TAF15: variants seen among roughly 807,000 people sequenced by gnomAD.
TAF15 encodes TATA-binding protein-associated factor 2N.
In TAF15, 37 loss-of-function variants were observed where a neutral mutation model predicts 102.5. The observed-to-expected ratio is 0.36, with a 90% CI of 0.28 to 0.47. The LOEUF (loss-of-function observed/expected upper bound fraction) is 0.47, where lower values mean the gene tolerates loss of function less well. TAF15 is among the 20% of genes least tolerant of loss of function. The pLI is 0.99. For missense variants in TAF15, 652 were observed against 760.7 expected, an observed-to-expected ratio of 0.86 and a Z score of 1.68; for synonymous variants, 273 against 259.2, an observed-to-expected ratio of 1.05 and a Z score of -0.51.
chr17:35,810,629 C>G (rs563161939), intron 1 of TAF15: 2 of 152,230 alleles, frequency 1.3e-5, no homozygotes, highest in East Asian at 3.9e-4. Context: ...TTCCTGAAAC[C>G]GTGTGGTTGA....
Position 35,820,447 on chromosome 17 carries a change from T to C in TAF15, c.290+10T>C, listed in dbSNP as rs750959476. 2.5e-6 allele frequency: 4 copies of C among 1,608,850 alleles called. No homozygotes were observed. In the East Asian group the frequency reaches 6.7e-5, roughly 27 times the overall value. ...TGGAATCATCAGGAAGGTAAGGAAA[T>C]AGTAAAATACTGAGATTGTTTTGGG... On this transcript the variant is annotated intron_variant, in intron 5 of 15. Coordinates refer to ENST00000605844, the MANE Select transcript of TAF15 (RefSeq NM_139215.3).
chr17:35,840,037 C>T (rs1041533146), intron 11 of TAF15, among the ~76,000 whole-genome samples: 3 of 152,110 alleles, frequency 2.0e-5, no homozygotes, highest in South Asian at 2.1e-4. Context: ...CTGTTACTCC[C>T]GTTTTACAGA....
At chr17:35,823,754 G>A in intron 6 of TAF15, 1 of 289,732 alleles carries the variant, frequency 3.5e-6, no homozygotes, top group South Asian at 3.6e-5. Flanking sequence ...TTTCATCTAA[G>A]TTACTAAGGT....
Position 35,847,190 on chromosome 17 carries a change from A to G in TAF15, c.*245A>G. On this transcript the variant is annotated 3_prime_UTR_variant, in exon 16 of 16. Transcript: ENST00000605844. The stretch of plus-strand genomic sequence containing the variant: ...GCGTTGTAAAATATTGCCAAAATGA[A>G]AAGTGTTTTGTAATACTGCAATAAA... 1 of 608,630 alleles carries G rather than the reference A, an allele frequency of 1.6e-6. No homozygotes were observed. The highest frequency in any genetic ancestry group is 2.9e-6 in the Non-Finnish European group (1 of 343,718). The allele number at this position is 608,630 out of a possible 1,614,324, so 37.7% of individuals were successfully genotyped here. A position where few individuals can be genotyped will look rare whatever the true frequency, so the allele number is the denominator to read the frequency against.
intron 7 of TAF15, among the ~76,000 whole-genome samples, chr17:35,826,371 G>A (rs2087326727): frequency 6.6e-6 from 1 of 152,026 alleles, no homozygotes; most frequent in Non-Finnish European, 1.5e-5. Flanking sequence ...TTTATATTGA[G>A]TTGGCAAGCT....
chr17:35,835,279 G>A (rs780321713), intron 9 of TAF15, among the ~76,000 whole-genome samples: 8 of 152,178 alleles, frequency 5.3e-5, no homozygotes, highest in Non-Finnish European at 1.0e-4. Flanking sequence ...AAAATCCTAC[G>A]TTGGATTGGT....
At chr17:35,826,017 GA>G (rs1427449124) in intron 7 of TAF15, among the ~76,000 whole-genome samples, 2 of 151,962 alleles carry the variant, frequency 1.3e-5, no homozygotes, top group Admixed American at 6.6e-5. Context: ...CTAGAGGATC[GA>G]AAGGACTTTG....
Position 35,823,932 on chromosome 17 carries a change from G to T in TAF15, c.485-146G>T. 3.0e-6 allele frequency: 3 copies of T among 1,000,834 alleles called. No individual in the cohort carries two copies. In the Admixed American group the frequency reaches 5.9e-5, roughly 20 times the overall value. 62.0% of individuals were successfully genotyped at this position (1,000,834 alleles called of 1,614,324 possible). On this transcript the variant is annotated intron_variant, in intron 6 of 15. Transcript: ENST00000605844. ...TTCTCAAAAACATGTAATTCCAGAT[G>T]ATTTTATGATGACTTGCATTTGAGT...
At chr17:35,829,646 AAAAAAAAAAAG>A (rs2087376722) in intron 7 of TAF15, among the ~76,000 whole-genome samples, 3 of 149,484 alleles carry the variant, frequency 2.0e-5, no homozygotes, top group South Asian at 2.1e-4. Flanking sequence ...AAAAAAAAAA[AAAAAAAAAAAG>A]AGAGAGAGAG....
chr17:35,809,486 T>C lies in TAF15; in HGVS notation c.-84T>C. The C allele has an allele frequency of 2.5e-6, 4 of 1,595,848 alleles. No homozygotes were observed. The highest frequency in any genetic ancestry group is 1.1e-5 in the South Asian group (1 of 90,202). ...CCTCAGCCCGCCGCGCCGCCCTCAG[T>C]ACAGCTCCGGCCGCCGCGCCGCCTG... On this transcript the variant is annotated 5_prime_UTR_variant, in exon 1 of 16. Transcript: ENST00000605844.
intron 5 of TAF15, among the ~76,000 whole-genome samples, chr17:35,820,935 C>T (rs1473758542): frequency 6.6e-6 from 1 of 152,026 alleles, no homozygotes; most frequent in East Asian, 1.9e-4. Context: ...TTTTACCTTT[C>T]AGATTTAAAG....
In TAF15 at chr17:35,846,987, G is replaced by A. The variant is rs750831941; in HGVS notation, c.*42G>A. On this transcript the variant is annotated 3_prime_UTR_variant, in exon 16 of 16. Transcript: ENST00000605844. ...TCCTTTGTCTCTGACATGATCCATA[G>A]TGAAATTGCCAGAGTTTTGCCTGCT... 5 of 1,591,760 alleles carry A rather than the reference G, an allele frequency of 3.1e-6. No individual in the cohort carries two copies. In the Admixed American group the frequency reaches 5.1e-5, roughly 16 times the overall value.
At chr17:35,819,462 T>C (rs891774541) in intron 2 of TAF15, among the ~76,000 whole-genome samples, 4 of 152,208 alleles carry the variant, frequency 2.6e-5, no homozygotes, top group Non-Finnish European at 5.9e-5. Context: ...ATACTGAGGA[T>C]ACGGTATAAT....
chr17:35,834,736 A>ATTTATTT, intron 9 of TAF15, 138 bp downstream of exon 9: 1 of 239,380 alleles, frequency 4.2e-6, no homozygotes, highest in Non-Finnish European at 6.8e-6. Flanking sequence ...GGGGAGCTTT[A>ATTTATTT]TTTCTTTTTT....
intron 5 of TAF15, among the ~76,000 whole-genome samples, chr17:35,820,841 G>C (rs1023768146): frequency 6.6e-6 from 1 of 152,032 alleles, no homozygotes; most frequent in African/African-American, 2.4e-5. Flanking sequence ...CAAAACTTAC[G>C]CATATATCAG....
intron 11 of TAF15, among the ~76,000 whole-genome samples, chr17:35,839,811 C>T (rs570440559): frequency 6.6e-6 from 1 of 152,164 alleles, no homozygotes; most frequent in African/African-American, 2.4e-5. Flanking sequence ...TCTTGTAATA[C>T]TCCAAATAGA....
intron 1 of TAF15, among the ~76,000 whole-genome samples, chr17:35,816,202 A>G (rs1209092611): frequency 6.6e-6 from 1 of 152,248 alleles, no homozygotes; most frequent in Non-Finnish European, 1.5e-5. Flanking sequence ...AAAAGTGGCA[A>G]ATTTGGTATC....
At chr17:35,821,997 A>G (rs977237275) in intron 5 of TAF15, among the ~76,000 whole-genome samples, 1 of 152,090 alleles carries the variant, frequency 6.6e-6, no homozygotes, top group Admixed American at 6.6e-5. Flanking sequence ...TTTATTAAAG[A>G]GTCAGACATA....
intron 1 of TAF15, chr17:35,810,745 T>C (rs1252243642): frequency 6.6e-6 from 1 of 152,170 alleles, no homozygotes; most frequent in Non-Finnish European, 1.5e-5. Flanking sequence ...AGGATAGAAA[T>C]GTGTGACTAA....
Sources: allele counts gnomAD v4.1 joint callset (sites outside exome capture counted in the v4.1 genomes callset), GRCh38; gene constraint gnomAD v4.1.1; transcripts MANE v1.5; gene names NCBI Gene and HGNC (gene_info 2026-07-23, HGNC 2026-07-21).